Variants in DIP2C observed in about 807,000 individuals in gnomAD.
DIP2C encodes disco-interacting protein 2 homolog C.
DIP2C carries 33 observed loss-of-function variants against 192.4 expected under a neutral mutation model. That is an observed-to-expected ratio of 0.17 (90% CI 0.13 to 0.23). The LOEUF (loss-of-function observed/expected upper bound fraction) is 0.23. Among genes scored for constraint, DIP2C ranks in the 10% least tolerant of loss-of-function variants. DIP2C has a pLI of 1.00. For synonymous variants in DIP2C, 979 were observed against 864.1 expected (o/e 1.13, Z -2.33); for missense variants, 1,537 against 2,110.1 (o/e 0.73, Z 5.32).
intron 18 of DIP2C, among the ~76,000 whole-genome samples, chr10:367,883 G>A (rs548323963): frequency 1.1e-3 from 168 of 152,238 alleles, no homozygotes; most frequent in African/African-American, 3.9e-3. Context: ...TGGGGGTGCA[G>A]GCTTCTGTTC....
chr10:589,939 G>C lies in DIP2C; in HGVS notation c.85+99555C>G, dbSNP rs142449772. On this transcript the variant is annotated intron_variant, in intron 1 of 36. Coordinates refer to ENST00000280886, the MANE Select transcript of DIP2C (RefSeq NM_014974.3). ...GAATGAAATTCATAAGAACTGCTGAGAAGCGTGTGATAAGTTACATAAATC... is the reference window on the plus strand; with the variant it reads ...GAATGAAATTCATAAGAACTGCTGACAAGCGTGTGATAAGTTACATAAATC... 7.1e-4 allele frequency among the ~76,000 whole-genome samples: 108 copies of C among 152,344 alleles called. 1 individual carries two copies. Among genetic ancestry groups the C allele is most frequent in the African/African-American group, 2.5e-3 (105 of 41,564 alleles).
At chr10:299,054 AT>A (rs1369936200) in intron 32 of DIP2C, among the ~76,000 whole-genome samples, 2 of 152,272 alleles carry the variant, frequency 1.3e-5, no homozygotes, top group Admixed American at 1.3e-4. Flanking sequence ...TGAAAACAGT[AT>A]AAAGAACACT....
rs1430340339 is a variant in DIP2C, at chr10:366,290, G to A, written c.2253C>T (p.Thr751=). Residue 751 remains threonine, a synonymous_variant, in exon 19 of 37, where the codon ACC becomes ACT. Coordinates refer to ENST00000280886, the MANE Select transcript of DIP2C (RefSeq NM_014974.3). ...CTCCACCTACCTCAAAGGTGTTCTT[G>A]GTCATGCCAGAGAGGCCATAGTAGG... The part of the protein sequence containing the change: ...GTSYYGLSGM[T]KNTFEVFPMT... 1.2e-6 allele frequency: 2 copies of A among 1,613,304 alleles called. No homozygotes were observed. The highest frequency in any genetic ancestry group is 2.2e-5 in the East Asian group (1 of 44,878).
In DIP2C at chr10:406,916, C is replaced by T. The variant is rs1006077762; in HGVS notation, c.1149+2010G>A. Among the ~76,000 whole-genome samples the T allele has an allele frequency of 1.4e-4, 22 of 152,012 alleles. 1 individual carries two copies. The highest frequency in any genetic ancestry group is 5.9e-4 in the Admixed American group (9 of 15,258). On this transcript the variant is annotated intron_variant, in intron 9 of 36. Transcript: ENST00000280886. ...AGGTCATCTGGCTCAACCAGTTCTG[C>T]GAACCCACCCAGGAACAGAAGACAG... is the stretch of plus-strand genomic sequence containing the variant.
intron 1 of DIP2C, among the ~76,000 whole-genome samples, chr10:528,851 G>GA (rs1156962816): frequency 2.6e-5 from 4 of 152,192 alleles, no homozygotes; most frequent in African/African-American, 9.6e-5. Context: ...GTCCAGGCAG[G>GA]AAGGCGACTC....
At chr10:660,863 C>G (rs962261971) in intron 1 of DIP2C, among the ~76,000 whole-genome samples, 1 of 152,184 alleles carries the variant, frequency 6.6e-6, no homozygotes, top group Non-Finnish European at 1.5e-5. Flanking sequence ...CTCCTATAAC[C>G]TGATTTCTAG....
chr10:529,816 G>C (rs1371027481), intron 1 of DIP2C, among the ~76,000 whole-genome samples: 3 of 152,232 alleles, frequency 2.0e-5, no homozygotes, highest in Non-Finnish European at 4.4e-5. Flanking sequence ...GTCTCACTCT[G>C]TCACCCAGGC....
At chr10:348,069 CCA>C (rs1958605744) in intron 26 of DIP2C, among the ~76,000 whole-genome samples, 1 of 152,112 alleles carries the variant, frequency 6.6e-6, no homozygotes, top group African/African-American at 2.4e-5. Flanking sequence ...AGACGCGTCG[CCA>C]CACTTTCTAG....
intron 1 of DIP2C, among the ~76,000 whole-genome samples, chr10:588,118 C>T (rs1331182984): frequency 8.9e-5 from 1 of 11,186 alleles, no homozygotes; most frequent in East Asian, 3.3e-3. Flanking sequence ...CAGCCACTGC[C>T]TCAGCCCTGA....
intron 1 of DIP2C, among the ~76,000 whole-genome samples, chr10:590,535 C>T (rs760016240): frequency 6.6e-6 from 1 of 152,182 alleles, no homozygotes. Context: ...GTTTCATCAA[C>T]GATGCAGGTG....
intron 3 of DIP2C, among the ~76,000 whole-genome samples, chr10:462,212 A>C (rs1203702117): frequency 6.6e-6 from 1 of 151,762 alleles, no homozygotes; most frequent in Non-Finnish European, 1.5e-5. Flanking sequence ...AGACACGAAA[A>C]ACTCTTCAAA....
intron 1 of DIP2C, among the ~76,000 whole-genome samples, chr10:571,774 CA>C (rs1324555292): frequency 6.6e-6 from 1 of 152,314 alleles, no homozygotes; most frequent in Non-Finnish European, 1.5e-5. Context: ...TGGCTGTGAC[CA>C]GGGGTAGCAA....
chr10:459,984 A>T (rs1447566142), intron 3 of DIP2C, among the ~76,000 whole-genome samples: 1 of 147,280 alleles, frequency 6.8e-6, no homozygotes, highest in Non-Finnish European at 1.5e-5. Flanking sequence ...TCAGGGAACC[A>T]CCTGCTGCAC....
In DIP2C at chr10:677,942, C is replaced by G. The variant is rs543674341; in HGVS notation, c.85+11552G>C. Among the ~76,000 whole-genome samples the G allele has an allele frequency of 2.1e-3, 323 of 152,334 alleles. 1 individual carries two copies. Among genetic ancestry groups the G allele is most frequent in the Middle Eastern group, 6.8e-3 (2 of 294 alleles). On this transcript the variant is annotated intron_variant, in intron 1 of 36. Coordinates refer to ENST00000280886, the MANE Select transcript of DIP2C (RefSeq NM_014974.3). Reference sequence around the variant, plus strand: ...GGCGTGGTCCAGTGCATGAGGATGCCCCACGTCACCAGTCCCAGTGCAGAG... The same window carrying G: ...GGCGTGGTCCAGTGCATGAGGATGCGCCACGTCACCAGTCCCAGTGCAGAG...
At chr10:552,045 G>C (rs180768588) in intron 1 of DIP2C, among the ~76,000 whole-genome samples, 60 of 152,352 alleles carry the variant, frequency 3.9e-4, no homozygotes, top group East Asian at 1.7e-3. Context: ...TACAGCTTCG[G>C]AAGACGTTGC....
chr10:353,975 G>A (rs1389099720), intron 24 of DIP2C, among the ~76,000 whole-genome samples: 1 of 152,360 alleles, frequency 6.6e-6, no homozygotes, highest in South Asian at 2.1e-4. Context: ...TATGAATGCC[G>A]TGAGGACGAT....
intron 4 of DIP2C, among the ~76,000 whole-genome samples, chr10:428,256 TTC>T (rs1211943673): frequency 2.0e-5 from 3 of 152,132 alleles, no homozygotes; most frequent in African/African-American, 4.8e-5. Flanking sequence ...CTAGGGTCCT[TTC>T]TTTTTCATAG....
intron 1 of DIP2C, among the ~76,000 whole-genome samples, chr10:579,966 C>T (rs906017160): frequency 1.1e-4 from 17 of 151,612 alleles, no homozygotes; most frequent in African/African-American, 3.9e-4. Context: ...AAAGCACAGC[C>T]ATAGCCAATG....
chr10:452,193 G>A (rs1043975147), intron 3 of DIP2C, among the ~76,000 whole-genome samples: 4 of 152,172 alleles, frequency 2.6e-5, no homozygotes, highest in African/African-American at 9.7e-5. Context: ...ATTGCAAAAA[G>A]ATGTCTACAT....
Sources: allele counts gnomAD v4.1 joint callset (sites outside exome capture counted in the v4.1 genomes callset), GRCh38; gene constraint gnomAD v4.1.1; transcripts MANE v1.5; gene names NCBI Gene and HGNC (gene_info 2026-07-23, HGNC 2026-07-21).